The following NOX4 variants were observed in gnomAD, a reference collection of about 807,000 sequenced individuals.
The protein encoded by NOX4 is kidney oxidase-1.
A neutral mutation model predicts 87.6 loss-of-function variants in NOX4; 69 were observed. The observed-to-expected ratio is 0.79, with a 90% CI of 0.65 to 0.96. NOX4 has a LOEUF of 0.96. Ranked by LOEUF, NOX4 falls within the 40% of genes least tolerant of loss-of-function variation. NOX4 has a pLI of 0.00. For missense variants in NOX4, 680 were observed against 681.5 expected (o/e 1.00, Z 0.02); for synonymous variants, 275 against 238.2 (o/e 1.15, Z -1.42).
chr11:89,585,063 A>G, the NOX4 span, among the ~76,000 whole-genome samples: 1 of 152,082 alleles, frequency 6.6e-6, no homozygotes, highest in Admixed American at 6.6e-5. Context: ...GGGTGGGCGA[A>G]TTTTGTATTG....
At chr11:89,327,766 GA>G (rs971744869) in intron 17 of NOX4, among the ~76,000 whole-genome samples, 2 of 151,682 alleles carry the variant, frequency 1.3e-5, no homozygotes, top group African/African-American at 2.4e-5. Context: ...AGTAAATACT[GA>G]AAAAAAGTTA....
At chr11:89,524,010 T>C in the NOX4 span, among the ~76,000 whole-genome samples, 7 of 152,208 alleles carry the variant, frequency 4.6e-5, no homozygotes, top group Non-Finnish European at 1.0e-4. Context: ...TGCACTGAGG[T>C]CATGGAAACT....
At chr11:89,572,628 C>T in the NOX4 span, among the ~76,000 whole-genome samples, 1 of 152,156 alleles carries the variant, frequency 6.6e-6, no homozygotes, top group Admixed American at 6.5e-5. Flanking sequence ...AGGCTCACTG[C>T]AAGCTCCACC....
intron 12 of NOX4, among the ~76,000 whole-genome samples, chr11:89,372,710 CTAAGTA>C (rs1417977863): frequency 6.6e-6 from 1 of 151,908 alleles, no homozygotes. Flanking sequence ...CGTTTAGCAC[CTAAGTA>C]TAAGAATATT....
the NOX4 span, among the ~76,000 whole-genome samples, chr11:89,560,994 CTCTATA>C: frequency 4.9e-4 from 29 of 59,410 alleles, no homozygotes; most frequent in South Asian, 1.8e-3. Flanking sequence ...CTCTCTCTCT[CTCTATA>C]TATATATATA....
chr11:89,453,412 C>A (rs995106042), intron 2 of NOX4, among the ~76,000 whole-genome samples: 6 of 152,170 alleles, frequency 3.9e-5, no homozygotes, highest in East Asian at 1.9e-4. Flanking sequence ...AACTGAGATT[C>A]ATATATTTGA....
rs548292281 is a variant in NOX4, at chr11:89,371,771, G to A, written c.1135+1661C>T. ...ACTCCACCAGTGTATACCTATCAGA[G>A]GACGACCATGATCTCTTTTGAATGC... On this transcript the variant is annotated intron_variant, in intron 12 of 17. Transcript: ENST00000263317. Among the ~76,000 whole-genome samples the A allele has an allele frequency of 2.0e-5, 3 of 151,752 alleles. No individual in the cohort carries two copies. In the South Asian group the frequency reaches 6.2e-4, roughly 32 times the overall value.
chr11:89,523,149 G>A, the NOX4 span, among the ~76,000 whole-genome samples: 11 of 151,782 alleles, frequency 7.2e-5, no homozygotes, highest in African/African-American at 2.7e-4. Flanking sequence ...TCAGCCTCCC[G>A]ATTAGCTGGG....
At chr11:89,337,030 T>C (rs1392622820) in intron 16 of NOX4, among the ~76,000 whole-genome samples, 1 of 152,088 alleles carries the variant, frequency 6.6e-6, no homozygotes, top group Admixed American at 6.6e-5. Flanking sequence ...ATTATTAGCA[T>C]AGTTCCTAGA....
intron 7 of NOX4, among the ~76,000 whole-genome samples, chr11:89,427,498 C>A (rs920792684): frequency 2.0e-5 from 3 of 152,076 alleles, no homozygotes; most frequent in Non-Finnish European, 2.9e-5. Flanking sequence ...GAATGGCTAA[C>A]TAGAATAACC....
chr11:89,527,872 G>A, the NOX4 span, among the ~76,000 whole-genome samples: 2 of 152,184 alleles, frequency 1.3e-5, no homozygotes, highest in Admixed American at 6.5e-5. Flanking sequence ...CTGCCTAGTG[G>A]AGCTCTGAGA....
chr11:89,362,518 C>CT (rs1314114512), intron 12 of NOX4, among the ~76,000 whole-genome samples: 1 of 151,894 alleles, frequency 6.6e-6, no homozygotes, highest in Non-Finnish European at 1.5e-5. Flanking sequence ...TATATAATAG[C>CT]TTTTTATTTT....
chr11:89,432,669 T>C (rs1943866816), intron 7 of NOX4, 115 bp downstream of exon 7: 2 of 686,742 alleles, frequency 2.9e-6, no homozygotes, highest in East Asian at 2.7e-5. Context: ...CACTCTTACT[T>C]ACCCAGAATA....
At chr11:89,523,419 TA>T in the NOX4 span, among the ~76,000 whole-genome samples, 24 of 152,228 alleles carry the variant, frequency 1.6e-4, no homozygotes, top group South Asian at 2.1e-3. Flanking sequence ...TGAGAATATA[TA>T]AACGTAAAGT....
At chr11:89,390,628 C>G (rs1279418918) in intron 11 of NOX4, among the ~76,000 whole-genome samples, 6 of 152,038 alleles carry the variant, frequency 3.9e-5, no homozygotes, top group Admixed American at 6.6e-5. Flanking sequence ...TAGATGAATC[C>G]AAGAAATATT....
At chr11:89,530,251 A>G in the NOX4 span, among the ~76,000 whole-genome samples, 4 of 150,856 alleles carry the variant, frequency 2.7e-5, no homozygotes, top group African/African-American at 7.3e-5. Context: ...CAGAGTATCT[A>G]TCTAACTCAC....
At chr11:89,465,338 T>C (rs1370049517) in intron 2 of NOX4, among the ~76,000 whole-genome samples, 1 of 152,216 alleles carries the variant, frequency 6.6e-6, no homozygotes, top group East Asian at 1.9e-4. Flanking sequence ...GGCTGCATAG[T>C]ATTCCATGCT....
chr11:89,550,321 G>A, the NOX4 span, among the ~76,000 whole-genome samples: 129 of 152,134 alleles, frequency 8.5e-4, 1 homozygote, highest in African/African-American at 3.1e-3. Flanking sequence ...GAGTAGCTGG[G>A]ATTACAGGCA....
intron 11 of NOX4, among the ~76,000 whole-genome samples, chr11:89,387,975 G>A (rs1342609311): frequency 6.6e-6 from 1 of 152,128 alleles, no homozygotes; most frequent in Non-Finnish European, 1.5e-5. Flanking sequence ...CAGGAGAAGA[G>A]TCAACAAATG....
Sources: gnomAD v4.1 joint callset for allele counts (sites outside exome capture counted in the v4.1 genomes callset) on GRCh38, gnomAD v4.1.1 for gene constraint, MANE v1.5 for transcripts, NCBI Gene and HGNC (gene_info 2026-07-23, HGNC 2026-07-21) for gene names.